Variants in KAZN observed in about 807,000 individuals in gnomAD.
The protein encoded by KAZN is kazrin.
Under a neutral mutation model 87.4 loss-of-function variants are expected in KAZN, and 40 were observed. That is an observed-to-expected ratio of 0.46 (90% confidence interval 0.36 to 0.60). The LOEUF is 0.60. Ranked by LOEUF, KAZN falls within the 20% of genes least tolerant of loss-of-function variation. KAZN has a pLI of 0.00. For missense variants in KAZN, 898 were observed against 1,073.9 expected, an observed-to-expected ratio of 0.84 and a Z score of 2.29; for synonymous variants, 466 against 458.3, an observed-to-expected ratio of 1.02 and a Z score of -0.22.
chr1:14,817,837 A>G (rs1305225760), intron 1 of KAZN, among the ~76,000 whole-genome samples: 2 of 152,144 alleles, frequency 1.3e-5, no homozygotes, highest in East Asian at 3.8e-4. Flanking sequence ...TTAGCCTTTC[A>G]TTTGAGGTAT....
intron 1 of KAZN, among the ~76,000 whole-genome samples, chr1:13,960,050 C>T (rs1641693532): frequency 6.6e-6 from 1 of 151,790 alleles, no homozygotes; most frequent in Non-Finnish European, 1.5e-5. Context: ...AAACCCCACC[C>T]CCGCCTTCAC....
intron 1 of KAZN, among the ~76,000 whole-genome samples, chr1:14,766,331 G>C (rs1644882819): frequency 6.6e-6 from 1 of 151,902 alleles, no homozygotes; most frequent in South Asian, 2.1e-4. Context: ...CACCATAATG[G>C]TAAGACCATT....
chr1:14,152,285 AT>A (rs780109922), intron 1 of KAZN, among the ~76,000 whole-genome samples: 1 of 151,932 alleles, frequency 6.6e-6, no homozygotes, highest in Non-Finnish European at 1.5e-5. Flanking sequence ...CTTTCAAGCC[AT>A]TTTTTCTTTT....
At chr1:14,783,042 G>A (rs1462453757) in intron 1 of KAZN, among the ~76,000 whole-genome samples, 2 of 152,142 alleles carry the variant, frequency 1.3e-5, no homozygotes, top group African/African-American at 4.8e-5. Context: ...GATGCCCACT[G>A]GAGGAGCTAG....
chr1:14,597,853 G>C (rs771792755), upstream of KAZN, among the ~76,000 whole-genome samples: 1 of 152,166 alleles, frequency 6.6e-6, no homozygotes, highest in Non-Finnish European at 1.5e-5. Flanking sequence ...TGGTCTGGGA[G>C]AGAAAGAGGA....
At chr1:14,584,759 C>T (rs1675753754) in intron 2 of KAZN, among the ~76,000 whole-genome samples, 1 of 152,158 alleles carries the variant, frequency 6.6e-6, no homozygotes, top group African/African-American at 2.4e-5. Flanking sequence ...ATTCTCCTGC[C>T]TCAACCTCCC....
At chr1:13,970,212 C>T (rs1330214433) in intron 1 of KAZN, among the ~76,000 whole-genome samples, 7 of 152,308 alleles carry the variant, frequency 4.6e-5, no homozygotes, top group African/African-American at 7.2e-5. Flanking sequence ...CTCAGCCTCT[C>T]TTATGATGGC....
At chr1:14,016,606 C>T (rs138019332) in intron 1 of KAZN, among the ~76,000 whole-genome samples, 2 of 152,238 alleles carry the variant, frequency 1.3e-5, no homozygotes, top group East Asian at 3.9e-4. Flanking sequence ...CGGAGGCTCA[C>T]TTTGGGATGC....
intron 2 of KAZN, among the ~76,000 whole-genome samples, chr1:14,402,347 G>A (rs935708053): frequency 1.8e-4 from 27 of 152,032 alleles, no homozygotes; most frequent in African/African-American, 6.0e-4. Flanking sequence ...TCTTACCAGC[G>A]TTCCAAGCAC....
chr1:15,076,698 A>G (rs1430722573), intron 8 of KAZN, among the ~76,000 whole-genome samples: 5 of 152,208 alleles, frequency 3.3e-5, no homozygotes, highest in African/African-American at 7.2e-5. Context: ...GCCCCTGGGA[A>G]TCTTGAGTCC....
At chr1:14,667,494 A>G (rs1452678653) in intron 1 of KAZN, among the ~76,000 whole-genome samples, 1 of 152,252 alleles carries the variant, frequency 6.6e-6, no homozygotes, top group African/African-American at 2.4e-5. Context: ...AACCACGTTC[A>G]TCTGATTATG....
At chr1:14,825,965 G>C (rs1201177845) in intron 1 of KAZN, among the ~76,000 whole-genome samples, 2 of 152,174 alleles carry the variant, frequency 1.3e-5, no homozygotes, top group East Asian at 3.9e-4. Flanking sequence ...CAGTGAACAC[G>C]CTCTGAATTG....
At position 15,066,197 on chromosome 1, in the gene KAZN, C is replaced by T. The variant is rs1639212665; in HGVS notation, c.1222+444C>T. ...TCCTCCCCTCCTCCTTTTTATGAAA[C>T]TTGAAAACTTGAAGGACTGCTGTGT... On this transcript the variant is annotated intron_variant, in intron 8 of 14. Transcript: ENST00000376030. The surrounding 1 kb of genome is among the most constrained non-coding windows in gnomAD (Gnocchi z 4.3). 4 of 994,896 alleles carry T rather than the reference C, an allele frequency of 4.0e-6. No homozygotes were observed. The highest frequency in any genetic ancestry group is 4.8e-6 in the Non-Finnish European group (4 of 836,656). The allele number at this position is 994,896 out of a possible 1,614,324, so 61.6% of individuals were successfully genotyped here.
chr1:14,634,466 A>G (rs952503614), intron 1 of KAZN, among the ~76,000 whole-genome samples: 2 of 152,250 alleles, frequency 1.3e-5, no homozygotes, highest in African/African-American at 2.4e-5. Context: ...CTGCATCTGG[A>G]AGCCTGCAGC....
intron 5 of KAZN, among the ~76,000 whole-genome samples, chr1:15,058,074 C>T (rs1003373924): frequency 6.6e-6 from 1 of 152,226 alleles, no homozygotes; most frequent in African/African-American, 2.4e-5. Context: ...GTCCTCTATG[C>T]TCCTGTAAAG....
chr1:14,661,398 G>A (rs1032417788), intron 1 of KAZN, among the ~76,000 whole-genome samples: 16 of 152,078 alleles, frequency 1.1e-4, no homozygotes, highest in Non-Finnish European at 4.4e-5. Context: ...AGCAGAGCTT[G>A]GCAAACTTTC....
At chr1:14,667,510 G>A (rs919782266) in intron 1 of KAZN, among the ~76,000 whole-genome samples, 1 of 152,202 alleles carries the variant, frequency 6.6e-6, no homozygotes, top group Non-Finnish European at 1.5e-5. Context: ...TTATGCATTT[G>A]AGGGTATGAA....
chr1:14,677,762 G>A (rs1640317907), intron 1 of KAZN, among the ~76,000 whole-genome samples: 1 of 152,198 alleles, frequency 6.6e-6, no homozygotes, highest in Admixed American at 6.5e-5. Context: ...GGCCTGCTAA[G>A]TCCAGAATAG....
chr1:14,540,278 A>G (rs1208477379), intron 2 of KAZN, among the ~76,000 whole-genome samples: 1 of 152,188 alleles, frequency 6.6e-6, no homozygotes. Context: ...GGTCACTTAA[A>G]TGTTGAATAC....
Sources: gnomAD v4.1 joint callset for allele counts (sites outside exome capture counted in the v4.1 genomes callset) on GRCh38, gnomAD v4.1.1 for gene constraint, Gnocchi (gnomAD v3.1) non-coding constraint, MANE v1.5 for transcripts, NCBI Gene and HGNC (gene_info 2026-07-23, HGNC 2026-07-21) for gene names.